Variants in SORCS2 observed in about 807,000 individuals in gnomAD.
SORCS2 encodes the protein VPS10 domain-containing receptor SorCS2.
SORCS2 carries 100 observed loss-of-function variants against 141.6 expected under a neutral mutation model. The ratio of observed to expected loss-of-function variants is 0.71; its 90% confidence interval spans 0.60 to 0.83. SORCS2 has a LOEUF of 0.83. Ranked by LOEUF, SORCS2 falls within the 40% of genes least tolerant of loss-of-function variation. The probability of loss-of-function intolerance (pLI) is 0.00; values close to 1 mark genes in which losing one functional copy is unlikely to be tolerated. For missense variants in SORCS2, 1,646 were observed against 1,560.2 expected (o/e 1.05, Z -0.93); for synonymous variants, 789 against 676.9 (o/e 1.17, Z -2.57).
intron 1 of SORCS2, among the ~76,000 whole-genome samples, chr4:7,393,312 C>T (rs1052459799): frequency 3.9e-5 from 6 of 152,176 alleles, no homozygotes; most frequent in African/African-American, 1.4e-4. Context: ...ATTTTTCTCC[C>T]ACCCAGATCA....
intron 2 of SORCS2, among the ~76,000 whole-genome samples, chr4:7,525,794 C>T (rs1368611586): frequency 8.3e-6 from 1 of 120,786 alleles, no homozygotes; most frequent in Admixed American, 8.2e-5. Context: ...CACCTGTCCC[C>T]TCCTCATACC....
intron 1 of SORCS2, among the ~76,000 whole-genome samples, chr4:7,263,724 C>T (rs1459286896): frequency 2.6e-5 from 4 of 152,192 alleles, no homozygotes; most frequent in African/African-American, 7.2e-5. Flanking sequence ...TGGCAGGCTC[C>T]TCCTCCATGC....
chr4:7,309,142 C>A (rs1397348582), intron 1 of SORCS2, among the ~76,000 whole-genome samples: 1 of 152,232 alleles, frequency 6.6e-6, no homozygotes, highest in Non-Finnish European at 1.5e-5. Context: ...AGGTCTAAAT[C>A]ACCGGGCGCA....
In SORCS2 at chr4:7,664,238, C is replaced by A; in HGVS notation, c.953-115C>A. The A allele has an allele frequency of 1.3e-6, 1 of 781,136 alleles. No homozygotes were observed. Among genetic ancestry groups the A allele is most frequent in the Non-Finnish European group, 2.0e-6 (1 of 494,152 alleles). 48.4% of individuals were successfully genotyped at this position (781,136 alleles called of 1,614,324 possible). On this transcript the variant is annotated intron_variant, in intron 6 of 26. Transcript: ENST00000507866. This position sits in a 1 kb window ranked among gnomAD's most constrained non-coding sequence, Gnocchi z 4.7. ...ATCACGGTGGCCTTTAGAATTCAAG[C>A]CCATGAAGCCACACCACAGCGGTAT...
At chr4:7,326,369 A>G (rs142104774) in intron 1 of SORCS2, among the ~76,000 whole-genome samples, 152 of 152,202 alleles carry the variant, frequency 1.0e-3, no homozygotes, top group Non-Finnish European at 1.9e-3. Flanking sequence ...TAAAGTGGGT[A>G]CAGCAGTGCC....
At chr4:7,540,161 T>TCTCCCTGCCC (rs71175415) in intron 3 of SORCS2, among the ~76,000 whole-genome samples, 513 of 50,866 alleles carry the variant, frequency 0.01, 3 homozygotes, top group African/African-American at 0.039. Context: ...CGCCCCTGCC[T>TCTCCCTGCCC]CTCCCTGCCC....
intron 3 of SORCS2, among the ~76,000 whole-genome samples, chr4:7,591,074 G>T (rs1716883040): frequency 6.6e-6 from 1 of 152,218 alleles, no homozygotes; most frequent in Non-Finnish European, 1.5e-5. Context: ...GGAGGAAACT[G>T]ACGCTCATAG....
intron 3 of SORCS2, among the ~76,000 whole-genome samples, chr4:7,586,955 T>C (rs1716576544): frequency 6.6e-6 from 1 of 152,058 alleles, no homozygotes; most frequent in Admixed American, 6.5e-5. Flanking sequence ...TTGGATGTTC[T>C]GTGTTGGACT....
At chr4:7,434,976 G>T in intron 2 of SORCS2, 7 of 1,411,310 alleles carry the variant, frequency 5.0e-6, no homozygotes, top group Non-Finnish European at 6.6e-6. Context: ...CGGAAGGGCG[G>T]CCCCACCTCC....
intron 2 of SORCS2, among the ~76,000 whole-genome samples, chr4:7,416,744 A>G (rs980456305): frequency 2.0e-5 from 3 of 151,998 alleles, no homozygotes; most frequent in Non-Finnish European, 1.5e-5. Flanking sequence ...GCATGCACAC[A>G]CACTTGTGCG....
rs914660906 is a variant in SORCS2 at position 7,523,501 on chromosome 4, G to A, written c.549-8029G>A. On this transcript the variant is annotated intron_variant, in intron 2 of 26. Coordinates refer to ENST00000507866, the MANE Select transcript of SORCS2 (RefSeq NM_020777.3). ...AGATCTGTGTGGGCTTCAGGAGGGG[G>A]TAGTACTGGGTTTGGAGTTGATCTG... Among the ~76,000 whole-genome samples the A allele has an allele frequency of 4.6e-5, 7 of 152,244 alleles. No individual in the cohort carries two copies. The East Asian group carries it at 5.8e-4, about 13-fold the overall frequency.
intron 1 of SORCS2, among the ~76,000 whole-genome samples, chr4:7,205,505 T>G (rs1245682138): frequency 6.6e-6 from 1 of 152,248 alleles, no homozygotes; most frequent in East Asian, 1.9e-4. Context: ...TTTGAAGTTG[T>G]GCTGAGTGTA....
At position 7,638,368 on chromosome 4, in the gene SORCS2, G is replaced by A. The variant is rs747325008; in HGVS notation, c.689G>A (p.Ser230Asn). 8 of 1,548,756 alleles carry A rather than the reference G, an allele frequency of 5.2e-6. No individual in the cohort carries two copies. Among genetic ancestry groups the A allele is most frequent in the Non-Finnish European group, 6.9e-6 (8 of 1,153,660 alleles). ...VSSSLSDRDQSLFLSADEGAT... is the reference protein window; with the variant it reads ...VSSSLSDRDQNLFLSADEGAT... Reference sequence around the variant, plus strand: ...TCCTCACTCAGTGACCGGGACCAGAGCCTATTCCTCAGCGCAGACGAAGGC... The same window carrying A: ...TCCTCACTCAGTGACCGGGACCAGAACCTATTCCTCAGCGCAGACGAAGGC... The change falls in exon 4 of 27, where the codon AGC (serine) becomes AAC (asparagine). Residue 230 changes from serine (S) to asparagine (N), a missense_variant. Transcript: ENST00000507866.
intron 1 of SORCS2, among the ~76,000 whole-genome samples, chr4:7,357,667 G>C (rs898479062): frequency 6.6e-6 from 1 of 152,214 alleles, no homozygotes; most frequent in African/African-American, 2.4e-5. Context: ...GGGAAATGGA[G>C]AGAAGTCAAA....
intron 4 of SORCS2, among the ~76,000 whole-genome samples, chr4:7,641,572 T>C (rs569057037): frequency 6.6e-6 from 1 of 152,336 alleles, no homozygotes; most frequent in Non-Finnish European, 1.5e-5. Flanking sequence ...TTGATTATTG[T>C]CTACACCCAA....
At position 7,718,077 on chromosome 4, in the gene SORCS2, T is replaced by G. The variant is rs778032537; in HGVS notation, c.2318T>G (p.Leu773Arg). 2.5e-6 allele frequency: 4 copies of G among 1,611,676 alleles called. No homozygotes were observed. The highest frequency in any genetic ancestry group is 1.7e-5 in the Admixed American group (1 of 59,752). The change falls in exon 18 of 27, where the codon CTG (leucine) becomes CGG (arginine). Residue 773 changes from leucine to arginine, a missense_variant. Leu to Arg is a moderately radical substitution (Grantham distance 102, BLOSUM62 -2). Transcript: ENST00000507866. ...GVDMQQSQVQ[L>R]QCPLTPPRGL... The stretch of plus-strand genomic sequence containing the variant: ...GACATGCAGCAGAGTCAGGTGCAGC[T>G]GCAGTGCCCCCTCACGCCGCCCCGG...
At chr4:7,458,802 TGGTGTCCC>T (rs1729089783) in intron 2 of SORCS2, among the ~76,000 whole-genome samples, 1 of 151,146 alleles carries the variant, frequency 6.6e-6, no homozygotes, top group African/African-American at 2.4e-5. Flanking sequence ...GGAGCAGTGG[TGGTGTCCC>T]CAGGGGTCAG....
intron 1 of SORCS2, among the ~76,000 whole-genome samples, chr4:7,320,763 C>T (rs556760080): frequency 6.6e-5 from 10 of 152,114 alleles, no homozygotes; most frequent in South Asian, 2.1e-4. Context: ...AGATGGAAAG[C>T]GTGATTGGAG....
rs1176639635 is a variant in SORCS2, at chr4:7,549,412, T to C, written c.648+17783T>C. Among the ~76,000 whole-genome samples, 3 of 150,344 alleles carry C rather than the reference T, an allele frequency of 2.0e-5. No individual in the cohort carries two copies. In the East Asian group the frequency reaches 5.9e-4, roughly 29 times the overall value. ...AGATGTTGGCCTTTTATTGATGTGG[T>C]GGGGCATTGGGTGGGGGACTGGGGC... On this transcript the variant is annotated intron_variant, in intron 3 of 26. Coordinates refer to ENST00000507866, the MANE Select transcript of SORCS2 (RefSeq NM_020777.3).
Sources: allele counts gnomAD v4.1 joint callset (sites outside exome capture counted in the v4.1 genomes callset), GRCh38; gene constraint gnomAD v4.1.1; non-coding constraint Gnocchi (gnomAD v3.1); transcripts MANE v1.5; gene names NCBI Gene and HGNC (gene_info 2026-07-23, HGNC 2026-07-21).